The following KAZN variants were observed in gnomAD, a reference collection of about 807,000 sequenced individuals.
The protein encoded by KAZN is kazrin.
KAZN carries 40 observed loss-of-function variants against 87.4 expected under a neutral mutation model. The ratio of observed to expected loss-of-function variants is 0.46; its 90% CI spans 0.36 to 0.60. The LOEUF is 0.60. Among genes scored for constraint, KAZN ranks in the 20% least tolerant of loss-of-function variants. KAZN has a pLI of 0.00. For missense variants in KAZN, 898 were observed against 1,073.9 expected (o/e 0.84, Z 2.29); for synonymous variants, 466 against 458.3 (o/e 1.02, Z -0.22).
At chr1:15,043,339 T>G (rs921656580) in intron 3 of KAZN, among the ~76,000 whole-genome samples, 8 of 152,222 alleles carry the variant, frequency 5.3e-5, no homozygotes, top group African/African-American at 1.7e-4. Flanking sequence ...GTGTTAAGTA[T>G]TTCCCGCACG....
intron 1 of KAZN, chr1:14,924,262 C>A (rs893051471): frequency 2.0e-6 from 2 of 981,946 alleles, no homozygotes; most frequent in African/African-American, 3.5e-5. Context: ...GGGGCGGGCT[C>A]GGCTGCGCCC....
rs2235789 is a variant in KAZN at position 15,115,562 on chromosome 1, T to C, written c.*927T>C. 0.42 allele frequency: 63,323 copies of C among 152,078 alleles called. 13,722 individuals are homozygous for C. The highest frequency in any genetic ancestry group is 0.68 in the East Asian group (3,505 of 5,154). The allele number at this position is 152,078 out of a possible 1,614,324, so 9.4% of individuals were successfully genotyped here. ...GTCTGGGGCAGGGAAATGCTTGACATTGTTAACCCAACAAACCTTTGTTGT... is the reference window on the plus strand; with the variant it reads ...GTCTGGGGCAGGGAAATGCTTGACACTGTTAACCCAACAAACCTTTGTTGT... On this transcript the variant is annotated 3_prime_UTR_variant, in exon 15 of 15. Transcript: ENST00000376030. This position sits in a 1 kb window ranked among gnomAD's most constrained non-coding sequence, Gnocchi z 4.1.
intron 2 of KAZN, among the ~76,000 whole-genome samples, chr1:14,345,981 C>T (rs1206100971): frequency 4.6e-5 from 7 of 152,180 alleles, no homozygotes; most frequent in Non-Finnish European, 1.0e-4. Context: ...TAAGCCTTAT[C>T]GTACTAATAT....
intron 1 of KAZN, among the ~76,000 whole-genome samples, chr1:13,931,401 C>T (rs1437659538): frequency 6.6e-6 from 1 of 152,110 alleles, no homozygotes; most frequent in African/African-American, 2.4e-5. Flanking sequence ...GGTGTGACTG[C>T]AGCAAATTGC....
rs546488709 is a variant in KAZN at position 14,418,190 on chromosome 1, T to G, written c.250-180793T>G. Among the ~76,000 whole-genome samples the G allele has an allele frequency of 4.6e-5, 7 of 151,870 alleles. No homozygotes were observed. The East Asian group carries it at 1.4e-3, about 30-fold the overall frequency. ...TAAGAACCTTAGATCTTACTAAAGGTAGTGTTGATGAGATATTAGGAGCTC... is the reference window on the plus strand; with the variant it reads ...TAAGAACCTTAGATCTTACTAAAGGGAGTGTTGATGAGATATTAGGAGCTC... On this transcript the variant is annotated intron_variant, in intron 2 of 16. Coordinates refer to the KAZN transcript ENST00000636203.
chr1:14,044,568 C>T (rs780909645), intron 1 of KAZN, among the ~76,000 whole-genome samples: 41 of 152,154 alleles, frequency 2.7e-4, no homozygotes, highest in Non-Finnish European at 5.4e-4. Context: ...GTTGTAAGGA[C>T]TCAATGAATG....
At chr1:14,711,132 G>A (rs1034565739) in intron 1 of KAZN, among the ~76,000 whole-genome samples, 3 of 152,054 alleles carry the variant, frequency 2.0e-5, no homozygotes, top group African/African-American at 7.2e-5. Context: ...GTTGGAGGCT[G>A]CAGTGAGCCA....
At chr1:14,442,561 G>A (rs1666762566) in intron 2 of KAZN, among the ~76,000 whole-genome samples, 1 of 152,188 alleles carries the variant, frequency 6.6e-6, no homozygotes, top group African/African-American at 2.4e-5. Flanking sequence ...TGGGGACTCA[G>A]CTTGTTGCTG....
intron 1 of KAZN, among the ~76,000 whole-genome samples, chr1:14,800,168 A>G (rs78406345): frequency 0.047 from 7,109 of 152,270 alleles, 242 homozygotes; most frequent in South Asian, 0.077. Context: ...CCAGCATGGC[A>G]GATCTCCAGG....
intron 1 of KAZN, among the ~76,000 whole-genome samples, chr1:14,617,695 G>T (rs11578959): frequency 0.19 from 29,428 of 152,174 alleles, 3,179 homozygotes; most frequent in East Asian, 0.25. Context: ...TATTCAAGCT[G>T]TCCAGAGTGT....
intron 1 of KAZN, among the ~76,000 whole-genome samples, chr1:14,055,678 G>A (rs1446912297): frequency 1.3e-5 from 2 of 152,094 alleles, no homozygotes; most frequent in East Asian, 1.9e-4. Context: ...CAGTGCTGTC[G>A]CTCCACAGAA....
chr1:13,935,575 A>C (rs1028341231), intron 1 of KAZN, among the ~76,000 whole-genome samples: 4 of 152,154 alleles, frequency 2.6e-5, no homozygotes, highest in African/African-American at 7.2e-5. Flanking sequence ...GAGGTTGGAG[A>C]GCTGGCCACC....
intron 2 of KAZN, among the ~76,000 whole-genome samples, chr1:14,971,745 G>T (rs987562211): frequency 1.4e-5 from 2 of 145,338 alleles, no homozygotes; most frequent in Non-Finnish European, 1.5e-5. Context: ...GCAGTGGCGC[G>T]ATCTCTGCTC....
chr1:14,581,220 A>G (rs1458174770), intron 2 of KAZN, among the ~76,000 whole-genome samples: 1 of 152,104 alleles, frequency 6.6e-6, no homozygotes, highest in African/African-American at 2.4e-5. Flanking sequence ...CATACACTCT[A>G]TCCCCAAACC....
At chr1:14,176,182 C>T (rs1318423309) in intron 1 of KAZN, among the ~76,000 whole-genome samples, 1 of 152,126 alleles carries the variant, frequency 6.6e-6, no homozygotes, top group Non-Finnish European at 1.5e-5. Context: ...ATTGCTTCCC[C>T]TACCCTTTCT....
rs1484295379 is a variant in KAZN, at chr1:14,612,702, C to T, written c.226+13479C>T. On this transcript the variant is annotated intron_variant, in intron 1 of 14. Transcript: ENST00000376030. ...CTTTGTTGTGGGGGCGGGGGTCTGT[C>T]CTGTGCATTTTAGGACATTTAGCAG... 2.0e-5 allele frequency among the ~76,000 whole-genome samples: 3 copies of T among 152,098 alleles called. 1 individual carries two copies. In the South Asian group the frequency reaches 6.2e-4, roughly 32 times the overall value.
At chr1:14,290,609 C>T (rs1226828194) in intron 2 of KAZN, among the ~76,000 whole-genome samples, 3 of 152,236 alleles carry the variant, frequency 2.0e-5, no homozygotes, top group South Asian at 4.1e-4. Flanking sequence ...AATTTCCTTG[C>T]GATGGGTTTG....
chr1:14,380,351 G>A (rs1322219297), intron 2 of KAZN, among the ~76,000 whole-genome samples: 1 of 152,132 alleles, frequency 6.6e-6, no homozygotes, highest in Admixed American at 6.5e-5. Context: ...AAGAAAACAT[G>A]AACTCAACAA....
rs918600640 is a variant in KAZN, at chr1:15,048,639, G to A, written c.726+4480G>A. 3.4e-5 allele frequency among the ~76,000 whole-genome samples: 5 copies of A among 148,300 alleles called. No individual in the cohort carries two copies. In the East Asian group the frequency reaches 8.1e-4, roughly 24 times the overall value. ...GGTCCTGGGTCGTCGGTCCTGGGTC[G>A]TCGGTCCTGGGTCGTCGGTCCTGGG... On this transcript the variant is annotated intron_variant, in intron 4 of 14. Transcript: ENST00000376030.
Sources: allele counts gnomAD v4.1 joint callset (sites outside exome capture counted in the v4.1 genomes callset), GRCh38; gene constraint gnomAD v4.1.1; non-coding constraint Gnocchi (gnomAD v3.1); transcripts MANE v1.5; gene names NCBI Gene and HGNC (gene_info 2026-07-23, HGNC 2026-07-21).